The following LRMDA variants were observed in gnomAD, a reference collection of about 807,000 sequenced individuals.
LRMDA encodes the protein leucine rich melanocyte differentiation associated, also known as leucine-rich melanocyte differentiation-associated protein.
A neutral mutation model predicts 29.8 loss-of-function variants in LRMDA; 18 were observed. That is an observed-to-expected ratio of 0.60 (90% confidence interval 0.42 to 0.90). LRMDA has a LOEUF of 0.90. Among genes scored for constraint, LRMDA ranks in the 40% least tolerant of loss-of-function variants. The pLI is 0.00. For synonymous variants in LRMDA, 125 were observed against 109.4 expected, an observed-to-expected ratio of 1.14 and a Z score of -0.89; for missense variants, 273 against 273.9, an observed-to-expected ratio of 1.00 and a Z score of 0.02.
At chr10:75,927,334 A>G (rs1161629603) in intron 2 of LRMDA, among the ~76,000 whole-genome samples, 1 of 152,218 alleles carries the variant, frequency 6.6e-6, no homozygotes, top group Non-Finnish European at 1.5e-5. Flanking sequence ...GTAAAACTGT[A>G]TAAGTCTTCA....
At chr10:75,495,870 T>C (rs1371260724) in intron 2 of LRMDA, among the ~76,000 whole-genome samples, 1 of 152,250 alleles carries the variant, frequency 6.6e-6, no homozygotes, top group Non-Finnish European at 1.5e-5. Context: ...CCCCAAGCTC[T>C]AGGAAAGACA....
chr10:76,249,645 T>C (rs1852437349), intron 5 of LRMDA, among the ~76,000 whole-genome samples: 3 of 152,216 alleles, frequency 2.0e-5, no homozygotes. Flanking sequence ...ACAGAAAATA[T>C]TGCTTCTTTT....
At chr10:76,504,201 T>C (rs779830985) in intron 6 of LRMDA, among the ~76,000 whole-genome samples, 26 of 151,974 alleles carry the variant, frequency 1.7e-4, no homozygotes, top group Non-Finnish European at 3.2e-4. Context: ...GTGTGCACAG[T>C]ATGATATCAA....
intron 2 of LRMDA, among the ~76,000 whole-genome samples, chr10:76,003,769 G>A (rs140607161): frequency 8.5e-4 from 130 of 152,294 alleles, no homozygotes; most frequent in African/African-American, 3.0e-3. Context: ...GAAGAAGCCA[G>A]TCAACATTGG....
chr10:75,847,967 T>G (rs1013149000), intron 2 of LRMDA, among the ~76,000 whole-genome samples: 1 of 152,196 alleles, frequency 6.6e-6, no homozygotes, highest in African/African-American at 2.4e-5. Context: ...TTGGAAGGAA[T>G]GTAAAATGAT....
At chr10:75,631,403 A>AC (rs148135320) in intron 2 of LRMDA, among the ~76,000 whole-genome samples, 7,981 of 148,616 alleles carry the variant, frequency 0.054, 707 homozygotes, top group African/African-American at 0.19. Context: ...ACCTCACTGC[A>AC]CCCCCCCCGC....
intron 6 of LRMDA, among the ~76,000 whole-genome samples, chr10:76,367,749 G>A (rs759514792): frequency 6.6e-6 from 1 of 152,036 alleles, no homozygotes; most frequent in Non-Finnish European, 1.5e-5. Context: ...CGCCTGGCTG[G>A]TAATTTTTAA....
chr10:75,582,177 C>G (rs777741093), intron 2 of LRMDA, among the ~76,000 whole-genome samples: 21 of 152,220 alleles, frequency 1.4e-4, no homozygotes, highest in African/African-American at 4.8e-4. Flanking sequence ...CTTCTCACAG[C>G]TCCACTAAAC....
chr10:76,199,739 A>G (rs977549842), intron 5 of LRMDA, among the ~76,000 whole-genome samples: 3 of 152,166 alleles, frequency 2.0e-5, no homozygotes, highest in African/African-American at 4.8e-5. Flanking sequence ...TTGGGAAGCT[A>G]TCTCCATTAT....
chr10:76,003,520 G>A (rs1252079412), intron 2 of LRMDA, among the ~76,000 whole-genome samples: 2 of 152,180 alleles, frequency 1.3e-5, no homozygotes, highest in Non-Finnish European at 2.9e-5. Flanking sequence ...GTCTCATAAA[G>A]ACGTTACACG....
intron 2 of LRMDA, among the ~76,000 whole-genome samples, chr10:75,592,502 G>C (rs1298545676): frequency 6.6e-6 from 1 of 152,208 alleles, no homozygotes; most frequent in Non-Finnish European, 1.5e-5. Context: ...AAGGCTATCC[G>C]TGGCATCGGG....
intron 5 of LRMDA, among the ~76,000 whole-genome samples, chr10:76,262,225 T>G (rs1237598926): frequency 6.6e-6 from 1 of 152,110 alleles, no homozygotes; most frequent in African/African-American, 2.4e-5. Context: ...GAGACTCCAT[T>G]TCTTAAAGTA....
chr10:76,346,720 A>G (rs1433001734), intron 6 of LRMDA, among the ~76,000 whole-genome samples: 3 of 152,166 alleles, frequency 2.0e-5, no homozygotes, highest in Non-Finnish European at 4.4e-5. Context: ...ATAAAGTTGG[A>G]TATTATCCCC....
chr10:75,868,168 T>C (rs1377855775), intron 2 of LRMDA, among the ~76,000 whole-genome samples: 1 of 152,150 alleles, frequency 6.6e-6, no homozygotes, highest in Non-Finnish European at 1.5e-5. Context: ...GGCTGTCGTC[T>C]TGGTAGGAGG....
At chr10:76,308,169 T>G (rs1840581937) in intron 5 of LRMDA, among the ~76,000 whole-genome samples, 1 of 152,114 alleles carries the variant, frequency 6.6e-6, no homozygotes, top group African/African-American at 2.4e-5. Flanking sequence ...TTTTGATTAG[T>G]CTACTCCTTC....
intron 5 of LRMDA, among the ~76,000 whole-genome samples, chr10:76,224,979 G>T (rs1358960525): frequency 3.9e-5 from 6 of 151,916 alleles, no homozygotes; most frequent in Non-Finnish European, 8.8e-5. Flanking sequence ...GTTCTGTTAT[G>T]ACTCCATCTT....
intron 6 of LRMDA, among the ~76,000 whole-genome samples, chr10:76,538,122 C>A (rs868466491): frequency 6.6e-6 from 1 of 151,918 alleles, no homozygotes; most frequent in African/African-American, 2.4e-5. Context: ...TCATTTTTTT[C>A]TGTTTGTATT....
chr10:75,914,059 A>C (rs766765973), intron 2 of LRMDA, among the ~76,000 whole-genome samples: 2 of 152,254 alleles, frequency 1.3e-5, no homozygotes, highest in Non-Finnish European at 2.9e-5. Flanking sequence ...ACAAAGAAGC[A>C]GAGGTTTACG....
At chr10:76,389,963 A>G (rs1284850660) in intron 6 of LRMDA, among the ~76,000 whole-genome samples, 3 of 152,166 alleles carry the variant, frequency 2.0e-5, no homozygotes, top group Non-Finnish European at 1.5e-5. Context: ...ACCTATAGAT[A>G]AATCTTTGAG....
Sources: allele counts gnomAD v4.1 joint callset (sites outside exome capture counted in the v4.1 genomes callset), GRCh38; gene constraint gnomAD v4.1.1; transcripts MANE v1.5; gene names NCBI Gene and HGNC (gene_info 2026-07-23, HGNC 2026-07-21).